Variants in SLC41A2 observed in about 807,000 individuals in gnomAD.
The protein encoded by SLC41A2 is SLC41A1-like 1.
Under a neutral mutation model 58.3 loss-of-function variants are expected in SLC41A2, and 32 were observed. That is an observed-to-expected ratio of 0.55 (90% CI 0.41 to 0.74). The LOEUF (loss-of-function observed/expected upper bound fraction) is 0.74, where lower values mean the gene tolerates loss of function less well. Ranked by LOEUF, SLC41A2 falls within the 30% of genes least tolerant of loss-of-function variation. The probability of loss-of-function intolerance (pLI) is 0.00; values close to 1 mark genes in which losing one functional copy is unlikely to be tolerated. For missense variants in SLC41A2, 514 were observed against 680.6 expected, an observed-to-expected ratio of 0.76 and a Z score of 2.72; for synonymous variants, 190 against 235.0, an observed-to-expected ratio of 0.81 and a Z score of 1.75.
chr12:104,846,344 T>G (rs1373969057), intron 8 of SLC41A2, among the ~76,000 whole-genome samples: 1 of 152,198 alleles, frequency 6.6e-6, no homozygotes, highest in Non-Finnish European at 1.5e-5. Context: ...ACTTTTCTTC[T>G]CAGCTTACTA....
At chr12:104,925,515 G>T (rs954709881) in intron 2 of SLC41A2, among the ~76,000 whole-genome samples, 5 of 151,878 alleles carry the variant, frequency 3.3e-5, no homozygotes, top group Admixed American at 6.6e-5. Context: ...CCGAGATAGC[G>T]CCACTGCAGT....
intron 7 of SLC41A2, 43 bp downstream of exon 7, chr12:104,866,389 C>A: frequency 1.9e-6 from 1 of 519,500 alleles, no homozygotes; most frequent in South Asian, 2.5e-5. Context: ...CGTACACACA[C>A]ACACACACAC....
intron 8 of SLC41A2, among the ~76,000 whole-genome samples, chr12:104,852,310 G>T (rs544728381): frequency 7.5e-4 from 114 of 152,218 alleles, no homozygotes; most frequent in African/African-American, 2.4e-3. Context: ...GGATTCTCTT[G>T]GGGGTAATGT....
intron 7 of SLC41A2, among the ~76,000 whole-genome samples, chr12:104,861,963 T>C (rs896418933): frequency 5.9e-5 from 9 of 152,208 alleles, no homozygotes; most frequent in Non-Finnish European, 1.3e-4. Context: ...TAACATATCG[T>C]TATATGGTAG....
chr12:104,892,516 T>C (rs2045060378), intron 4 of SLC41A2, among the ~76,000 whole-genome samples: 1 of 151,922 alleles, frequency 6.6e-6, no homozygotes, highest in Non-Finnish European at 1.5e-5. Flanking sequence ...AATCTTAACA[T>C]TTATGTGGGA....
intron 10 of SLC41A2, among the ~76,000 whole-genome samples, chr12:104,828,383 T>C (rs962087925): frequency 6.6e-6 from 1 of 152,218 alleles, no homozygotes; most frequent in Admixed American, 6.5e-5. Context: ...CTGATTCTTC[T>C]GGTACACCAA....
rs1419883842 is a variant in SLC41A2 at position 104,928,195 on chromosome 12, G to A, written c.333C>T (p.Asp111=). Residue 111 remains aspartate (D), a synonymous_variant, in exon 2 of 11, where the codon GAC becomes GAT. Transcript: ENST00000258538. ...ASSSCSQKYD[D]YANYNYCDGR... ...CATCACAGTAATTATAATTGGCATA[G>A]TCATCATACTTTTGGCTGCAGCTTG... The A allele has an allele frequency of 6.2e-7, 1 of 1,614,118 alleles. No homozygotes were observed. The highest frequency in any genetic ancestry group is 8.5e-7 in the Non-Finnish European group (1 of 1,180,012).
chr12:104,897,403 C>A (rs2045344588), intron 3 of SLC41A2, among the ~76,000 whole-genome samples: 1 of 151,948 alleles, frequency 6.6e-6, no homozygotes, highest in Non-Finnish European at 1.5e-5. Context: ...TCTTGGCCTC[C>A]CAAAGTGCTG....
At chr12:104,934,950 T>G (rs569576145) in intron 1 of SLC41A2, among the ~76,000 whole-genome samples, 23 of 150,940 alleles carry the variant, frequency 1.5e-4, no homozygotes, top group Admixed American at 4.6e-4. Flanking sequence ...AAAGTTTTTG[T>G]TTTTTTTGTT....
At chr12:104,925,888 C>T (rs1387423636) in intron 2 of SLC41A2, among the ~76,000 whole-genome samples, 1 of 152,196 alleles carries the variant, frequency 6.6e-6, no homozygotes, top group Non-Finnish European at 1.5e-5. Context: ...TTTATTGTCG[C>T]AGCTGTGATA....
intron 2 of SLC41A2, among the ~76,000 whole-genome samples, chr12:104,922,065 C>G (rs1018273972): frequency 5.9e-5 from 9 of 151,906 alleles, no homozygotes; most frequent in African/African-American, 1.9e-4. Context: ...AAACATGCAA[C>G]TAGAGAAAAA....
intron 1 of SLC41A2, among the ~76,000 whole-genome samples, chr12:104,955,161 G>A (rs1436229542): frequency 6.6e-6 from 1 of 151,534 alleles, no homozygotes; most frequent in Non-Finnish European, 1.5e-5. Flanking sequence ...GATTACAGGT[G>A]CCCGCCAGCA....
intron 10 of SLC41A2, among the ~76,000 whole-genome samples, chr12:104,840,125 G>A (rs1013135362): frequency 6.6e-6 from 1 of 152,158 alleles, no homozygotes; most frequent in Non-Finnish European, 1.5e-5. Context: ...CCCTGAAGAT[G>A]ACAGTAAGAT....
intron 2 of SLC41A2, among the ~76,000 whole-genome samples, chr12:104,925,466 G>A (rs1373373518): frequency 6.6e-6 from 1 of 152,078 alleles, no homozygotes; most frequent in Non-Finnish European, 1.5e-5. Flanking sequence ...GCTGAGGCAG[G>A]AGAACGGTAT....
chr12:104,909,564 A>T, intron 3 of SLC41A2, 91 bp downstream of exon 3: 1 of 870,842 alleles, frequency 1.1e-6, no homozygotes, highest in South Asian at 1.5e-5. Context: ...GAAGCATATC[A>T]GAGAAAGAAA....
chr12:104,826,070 C>T (rs572160989), intron 10 of SLC41A2, among the ~76,000 whole-genome samples: 34 of 152,258 alleles, frequency 2.2e-4, no homozygotes, highest in Non-Finnish European at 3.7e-4. Flanking sequence ...CCTGAGTTTT[C>T]GCTGAAAGAG....
At chr12:104,814,439 G>A (rs1250503738) in intron 10 of SLC41A2, among the ~76,000 whole-genome samples, 1 of 152,116 alleles carries the variant, frequency 6.6e-6, no homozygotes, top group Admixed American at 6.6e-5. Flanking sequence ...CTTCTTACAT[G>A]TTAGGTTGTA....
chr12:104,892,093 A>G (rs1449505208), intron 4 of SLC41A2, among the ~76,000 whole-genome samples: 1 of 152,022 alleles, frequency 6.6e-6, no homozygotes, highest in East Asian at 1.9e-4. Context: ...TGAGGTCAGG[A>G]GCTTGAGACC....
chr12:104,832,744 A>C (rs924866053), intron 10 of SLC41A2, among the ~76,000 whole-genome samples: 6 of 152,132 alleles, frequency 3.9e-5, no homozygotes, highest in Non-Finnish European at 8.8e-5. Context: ...ATCTAAGCTA[A>C]AAAGAAAAAA....
Sources: allele counts gnomAD v4.1 joint callset (sites outside exome capture counted in the v4.1 genomes callset), GRCh38; gene constraint gnomAD v4.1.1; transcripts MANE v1.5; gene names NCBI Gene and HGNC (gene_info 2026-07-23, HGNC 2026-07-21).